The following PTPRD variants were observed in gnomAD, a reference collection of about 807,000 sequenced individuals.
PTPRD encodes receptor-type tyrosine-protein phosphatase delta.
A neutral mutation model predicts 214.5 loss-of-function variants in PTPRD; 34 were observed. The observed-to-expected ratio is 0.16, with a 90% CI of 0.12 to 0.21. The LOEUF (loss-of-function observed/expected upper bound fraction) is 0.21, where lower values mean the gene tolerates loss of function less well. Ranked by LOEUF, PTPRD falls within the 10% of genes least tolerant of loss-of-function variation. The probability of loss-of-function intolerance (pLI) is 1.00; values close to 1 mark genes in which losing one functional copy is unlikely to be tolerated. For missense variants in PTPRD, 2,545 were observed against 2,398.7 expected (o/e 1.06, Z -1.27); for synonymous variants, 1,128 against 845.7 (o/e 1.33, Z -5.79).
chr9:10,201,122 T>C lies in PTPRD; in HGVS notation c.-545+139841A>G, dbSNP rs189232339. Among the ~76,000 whole-genome samples the C allele has an allele frequency of 1.2e-3, 179 of 152,124 alleles. 1 individual carries two copies. Among genetic ancestry groups the C allele is most frequent in the African/African-American group, 4.1e-3 (172 of 41,548 alleles). ...TGGTACGGAAAATGGCACATCTGAC[T>C]CTTGCTTGGAAAAGACAGTGCAATG... On this transcript the variant is annotated intron_variant, in intron 3 of 45. Transcript: ENST00000381196.
chr9:10,349,770 A>C (rs77296962), intron 2 of PTPRD, among the ~76,000 whole-genome samples: 16,774 of 152,210 alleles, frequency 0.11, 1,859 homozygotes, highest in African/African-American at 0.28. Context: ...AGAAGTCCAC[A>C]TGATAATTCT....
At chr9:8,893,844 C>T (rs989894331) in intron 11 of PTPRD, among the ~76,000 whole-genome samples, 1 of 152,056 alleles carries the variant, frequency 6.6e-6, no homozygotes. Flanking sequence ...GAAAAGCTCG[C>T]TGTAGAATGG....
chr9:9,525,735 G>A (rs1310920253), intron 8 of PTPRD, among the ~76,000 whole-genome samples: 1 of 151,586 alleles, frequency 6.6e-6, no homozygotes, highest in Non-Finnish European at 1.5e-5. Context: ...CTAGAAATAT[G>A]TATAAAAGAG....
At chr9:9,944,593 G>C (rs919892665) in intron 4 of PTPRD, among the ~76,000 whole-genome samples, 1 of 152,054 alleles carries the variant, frequency 6.6e-6, no homozygotes, top group South Asian at 2.1e-4. Context: ...AAGGGAGTCA[G>C]GCATGTGTAT....
intron 9 of PTPRD, among the ~76,000 whole-genome samples, chr9:9,372,862 T>G (rs1313613260): frequency 6.6e-6 from 1 of 152,128 alleles, no homozygotes; most frequent in African/African-American, 2.4e-5. Flanking sequence ...TATTTCTCCT[T>G]CACTTATGAA....
intron 9 of PTPRD, among the ~76,000 whole-genome samples, chr9:9,316,280 C>A (rs1351072808): frequency 1.3e-5 from 2 of 151,890 alleles, no homozygotes; most frequent in East Asian, 3.9e-4. Flanking sequence ...CTGTTTCTAC[C>A]ACAGAGAAAT....
At chr9:10,238,987 G>A (rs2099638012) in intron 3 of PTPRD, among the ~76,000 whole-genome samples, 1 of 151,762 alleles carries the variant, frequency 6.6e-6, no homozygotes, top group South Asian at 2.1e-4. Flanking sequence ...ATCGAAGAAG[G>A]CTTCCATGTC....
At chr9:9,527,364 C>T (rs780288387) in intron 8 of PTPRD, among the ~76,000 whole-genome samples, 20 of 152,174 alleles carry the variant, frequency 1.3e-4, no homozygotes, top group Non-Finnish European at 2.5e-4. Flanking sequence ...ATGCTCCCTC[C>T]TGCCTAGACA....
intron 3 of PTPRD, among the ~76,000 whole-genome samples, chr9:10,298,114 T>C (rs757984796): frequency 1.3e-5 from 2 of 152,214 alleles, no homozygotes; most frequent in African/African-American, 4.8e-5. Flanking sequence ...GAGAAAAACA[T>C]AAAATAATAA....
chr9:10,419,570 G>T (rs2098527026), intron 2 of PTPRD, among the ~76,000 whole-genome samples: 1 of 151,732 alleles, frequency 6.6e-6, no homozygotes, highest in South Asian at 2.1e-4. Context: ...GAATATACAT[G>T]ATATACTTTG....
intron 35 of PTPRD, among the ~76,000 whole-genome samples, chr9:8,410,650 T>C (rs1298220782): frequency 6.6e-6 from 1 of 152,126 alleles, no homozygotes; most frequent in Non-Finnish European, 1.5e-5. Context: ...AATGTATAAA[T>C]ATACCACACT....
chr9:9,976,048 T>C (rs7027578), intron 4 of PTPRD, among the ~76,000 whole-genome samples: 116,122 of 152,066 alleles, frequency 0.76, 44,905 homozygotes, highest in Middle Eastern at 0.89. Context: ...GAGGCCCACA[T>C]ATTCCGAAAG....
chr9:9,275,202 T>C (rs1207948074), intron 9 of PTPRD, among the ~76,000 whole-genome samples: 1 of 62,986 alleles, frequency 1.6e-5, no homozygotes, highest in Non-Finnish European at 3.0e-5. Flanking sequence ...ATATATATTA[T>C]ATATATATAT....
intron 10 of PTPRD, among the ~76,000 whole-genome samples, chr9:9,158,880 C>G (rs1421032033): frequency 6.6e-6 from 1 of 152,130 alleles, no homozygotes; most frequent in Non-Finnish European, 1.5e-5. Flanking sequence ...GGGATTTATC[C>G]TTGGGACGCA....
intron 10 of PTPRD, among the ~76,000 whole-genome samples, chr9:9,118,721 T>A (rs1041002166): frequency 6.6e-6 from 1 of 152,156 alleles, no homozygotes. Context: ...ATTGAACAAA[T>A]AAGGTGACTA....
intron 44 of PTPRD, among the ~76,000 whole-genome samples, chr9:8,321,194 C>G (rs1313754820): frequency 6.6e-6 from 1 of 151,790 alleles, no homozygotes; most frequent in Non-Finnish European, 1.5e-5. Flanking sequence ...TTGTGAGAAA[C>G]TGAGATTTAT....
At position 10,131,216 on chromosome 9, in the gene PTPRD, ACAG is replaced by A. The variant is rs1437968898; in HGVS notation, c.-544-97429_-544-97427del. ...TTTGGCCACCTGATGTTACTGTCTA[ACAG>A]CAATTAGAGAGTCAAAGCTCTGAGA... is the stretch of plus-strand genomic sequence containing the variant. On this transcript the variant is annotated intron_variant, in intron 3 of 45. Coordinates refer to ENST00000381196, the MANE Select transcript of PTPRD (RefSeq NM_002839.4). Among the ~76,000 whole-genome samples, 3 of 152,142 alleles carry A rather than the reference ACAG, an allele frequency of 2.0e-5. No homozygotes were observed. In the East Asian group the frequency reaches 5.8e-4, roughly 29 times the overall value.
intron 2 of PTPRD, among the ~76,000 whole-genome samples, chr9:10,390,338 A>G (rs2098032783): frequency 6.6e-6 from 1 of 151,790 alleles, no homozygotes; most frequent in African/African-American, 2.4e-5. Context: ...GACATAATTT[A>G]AAATCCAAGT....
intron 2 of PTPRD, among the ~76,000 whole-genome samples, chr9:10,510,066 G>C (rs184598078): frequency 5.9e-5 from 9 of 152,064 alleles, no homozygotes; most frequent in African/African-American, 2.2e-4. Flanking sequence ...ATTAATTTCA[G>C]AATTTCAACC....
Sources: allele counts gnomAD v4.1 joint callset (sites outside exome capture counted in the v4.1 genomes callset), GRCh38; gene constraint gnomAD v4.1.1; transcripts MANE v1.5; gene names NCBI Gene and HGNC (gene_info 2026-07-23, HGNC 2026-07-21).